Variants in KHDRBS3 observed in about 807,000 individuals in gnomAD.
KHDRBS3 encodes the protein KH domain-containing, RNA-binding, signal transduction-associated protein 3.
In KHDRBS3, 23 loss-of-function variants were observed where a neutral mutation model predicts 45.6. That is an observed-to-expected ratio of 0.50 (90% CI 0.36 to 0.72). The LOEUF (loss-of-function observed/expected upper bound fraction) is 0.72. Ranked by LOEUF, KHDRBS3 falls within the 30% of genes least tolerant of loss-of-function variation. The pLI is 0.00. For synonymous variants in KHDRBS3, 162 were observed against 156.5 expected, an observed-to-expected ratio of 1.04 and a Z score of -0.26; for missense variants, 352 against 424.8, an observed-to-expected ratio of 0.83 and a Z score of 1.51.
intron 4 of KHDRBS3, 42 bp downstream of exon 4, chr8:135,548,942 T>A (rs909485973): frequency 7.0e-7 from 1 of 1,418,910 alleles, no homozygotes; most frequent in African/African-American, 1.4e-5. Flanking sequence ...TACTTTAAAG[T>A]CTTTGCTTTA....
intron 1 of KHDRBS3, among the ~76,000 whole-genome samples, chr8:135,468,886 G>T (rs1383997540): frequency 6.6e-6 from 1 of 152,176 alleles, no homozygotes; most frequent in African/African-American, 2.4e-5. Flanking sequence ...AAAGATGAGA[G>T]GCTTTTAGAA....
intron 7 of KHDRBS3, among the ~76,000 whole-genome samples, chr8:135,626,696 T>G (rs990596534): frequency 6.6e-6 from 1 of 150,500 alleles, no homozygotes. Flanking sequence ...CCCAGCTACT[T>G]GGGAGGCTGA....
chr8:135,535,556 A>T (rs1012459864), intron 2 of KHDRBS3, among the ~76,000 whole-genome samples: 2 of 151,720 alleles, frequency 1.3e-5, no homozygotes, highest in African/African-American at 4.8e-5. Flanking sequence ...TCTTTATGGG[A>T]TAGAACAGTT....
chr8:135,638,611 C>T (rs1000674780), intron 7 of KHDRBS3, among the ~76,000 whole-genome samples: 8 of 152,120 alleles, frequency 5.3e-5, no homozygotes, highest in Non-Finnish European at 8.8e-5. Flanking sequence ...GAAGACATAG[C>T]GTTCATAAAG....
chr8:135,473,435 A>G (rs1229536684), intron 1 of KHDRBS3, among the ~76,000 whole-genome samples: 3 of 152,176 alleles, frequency 2.0e-5, no homozygotes, highest in Non-Finnish European at 2.9e-5. Flanking sequence ...CATGTCCTGA[A>G]TATGAATCCT....
At chr8:135,575,774 T>G (rs2130903286) in intron 5 of KHDRBS3, among the ~76,000 whole-genome samples, 1 of 152,350 alleles carries the variant, frequency 6.6e-6, no homozygotes, top group East Asian at 1.9e-4. Flanking sequence ...CATCTTACAT[T>G]AGCATGGCTC....
intron 7 of KHDRBS3, among the ~76,000 whole-genome samples, chr8:135,631,806 T>A (rs568456783): frequency 4.6e-5 from 7 of 152,340 alleles, no homozygotes; most frequent in African/African-American, 1.4e-4. Flanking sequence ...ACACAACCAC[T>A]GGCATAGTCC....
At chr8:135,488,561 A>T (rs540304803) in intron 1 of KHDRBS3, among the ~76,000 whole-genome samples, 66 of 152,348 alleles carry the variant, frequency 4.3e-4, no homozygotes, top group Non-Finnish European at 7.9e-4. Flanking sequence ...AAAGTTAAGG[A>T]TAACAATTCT....
At chr8:135,550,273 A>G (rs1586705193) in intron 4 of KHDRBS3, among the ~76,000 whole-genome samples, 1 of 152,152 alleles carries the variant, frequency 6.6e-6, no homozygotes, top group African/African-American at 2.4e-5. Context: ...GGTAGACTCT[A>G]ATTTACCTCA....
chr8:135,555,866 C>T (rs1826856651), intron 4 of KHDRBS3, among the ~76,000 whole-genome samples: 1 of 152,102 alleles, frequency 6.6e-6, no homozygotes, highest in African/African-American at 2.4e-5. Flanking sequence ...GTTAATTCTC[C>T]AAATGTTATC....
At chr8:135,477,350 T>C (rs779148656) in intron 1 of KHDRBS3, among the ~76,000 whole-genome samples, 5 of 152,222 alleles carry the variant, frequency 3.3e-5, no homozygotes, top group African/African-American at 4.8e-5. Context: ...GTGTATCTTA[T>C]TCACAGATTT....
chr8:135,620,572 T>G (rs1830096521), intron 7 of KHDRBS3, among the ~76,000 whole-genome samples: 1 of 152,226 alleles, frequency 6.6e-6, no homozygotes, highest in Admixed American at 6.5e-5. Flanking sequence ...CATCAAAATC[T>G]TCATGGCTCC....
chr8:135,504,555 T>G (rs766572050), intron 1 of KHDRBS3, among the ~76,000 whole-genome samples: 22 of 152,230 alleles, frequency 1.4e-4, no homozygotes, highest in Admixed American at 2.0e-4. Context: ...CAACAGAGTT[T>G]GTAAACTTAA....
At chr8:135,552,901 A>G (rs1250710994) in intron 4 of KHDRBS3, among the ~76,000 whole-genome samples, 3 of 152,076 alleles carry the variant, frequency 2.0e-5, no homozygotes, top group Admixed American at 2.0e-4. Context: ...GTGTGTGTAC[A>G]TAGGGGAGTG....
intron 1 of KHDRBS3, among the ~76,000 whole-genome samples, chr8:135,480,868 G>C (rs894376894): frequency 1.3e-5 from 2 of 151,986 alleles, no homozygotes; most frequent in Admixed American, 6.6e-5. Flanking sequence ...ATTGTTAACT[G>C]ATTCTTCACT....
downstream of KHDRBS3, among the ~76,000 whole-genome samples, chr8:135,650,071 C>T (rs142952527): frequency 3.1e-4 from 47 of 152,244 alleles, no homozygotes; most frequent in Non-Finnish European, 5.6e-4. Flanking sequence ...TTCCCCCTAA[C>T]CTTTGTTTTC....
chr8:135,531,731 T>A (rs1278416295), intron 2 of KHDRBS3, among the ~76,000 whole-genome samples: 5 of 152,130 alleles, frequency 3.3e-5, no homozygotes, highest in African/African-American at 1.2e-4. Context: ...TAAGAATAAA[T>A]TCAGGACATT....
chr8:135,651,095 A>G (rs1177695325), downstream of KHDRBS3, among the ~76,000 whole-genome samples: 1 of 152,064 alleles, frequency 6.6e-6, no homozygotes, highest in African/African-American at 2.4e-5. Context: ...AACCCAGGCA[A>G]GTTGGTCAGA....
intron 7 of KHDRBS3, among the ~76,000 whole-genome samples, chr8:135,644,357 A>G (rs1482472462): frequency 5.3e-5 from 8 of 152,104 alleles, no homozygotes; most frequent in Admixed American, 1.3e-4. Flanking sequence ...CCTTGGCCTC[A>G]TGTAACCAGA....
Sources: allele counts gnomAD v4.1 joint callset (sites outside exome capture counted in the v4.1 genomes callset), GRCh38; gene constraint gnomAD v4.1.1; transcripts MANE v1.5; gene names NCBI Gene and HGNC (gene_info 2026-07-23, HGNC 2026-07-21).